The following DIP2A variants were observed in gnomAD, a reference collection of about 807,000 sequenced individuals.
DIP2A encodes disco-interacting protein 2 homolog A.
A neutral mutation model predicts 177.4 loss-of-function variants in DIP2A; 85 were observed. The observed-to-expected ratio is 0.48, with a 90% confidence interval of 0.40 to 0.57. The LOEUF (loss-of-function observed/expected upper bound fraction) is 0.57. DIP2A is among the 20% of genes least tolerant of loss of function. DIP2A has a pLI of 0.00. For missense variants in DIP2A, 1,791 were observed against 2,100.2 expected (o/e 0.85, Z 2.88); for synonymous variants, 886 against 881.8 (o/e 1.00, Z -0.08).
At chr21:46,476,652 ATTTTTTT>A (rs111428142) in intron 1 of DIP2A, among the ~76,000 whole-genome samples, 1 of 129,918 alleles carries the variant, frequency 7.7e-6, no homozygotes, top group Non-Finnish European at 1.7e-5. Flanking sequence ...GCATCACTCT[ATTTTTTT>A]TTTTTTTTTT....
intron 18 of DIP2A, among the ~76,000 whole-genome samples, chr21:46,544,297 C>T (rs2059940708): frequency 6.6e-6 from 1 of 151,984 alleles, no homozygotes; most frequent in African/African-American, 2.4e-5. Context: ...TGAAAAGGCG[C>T]ACATGTACAA....
At chr21:46,480,903 T>G (rs2056301138) in intron 1 of DIP2A, among the ~76,000 whole-genome samples, 1 of 152,138 alleles carries the variant, frequency 6.6e-6, no homozygotes, top group Non-Finnish European at 1.5e-5. Context: ...CTTGGTCCAT[T>G]GTGGAGTCAC....
intron 26 of DIP2A, 86 bp downstream of exon 26, chr21:46,554,378 A>G (rs1049076341): frequency 6.4e-7 from 1 of 1,569,772 alleles, no homozygotes; most frequent in African/African-American, 1.4e-5. Context: ...CCCTCCCCGA[A>G]GCATCTTCCA....
In DIP2A at chr21:46,472,601, G is replaced by A. The variant is rs867218190; in HGVS notation, c.92-12156G>A. On this transcript the variant is annotated intron_variant, in intron 1 of 37. Coordinates refer to ENST00000417564, the MANE Select transcript of DIP2A (RefSeq NM_015151.4). ...GTGAAGAGGGTGGAGAAGGAGGAGC[G>A]GGGATGGACATGAAGACAAAGGGAG... Among the ~76,000 whole-genome samples, 6 of 152,206 alleles carry A rather than the reference G, an allele frequency of 3.9e-5. No homozygotes were observed. In the South Asian group the frequency reaches 6.2e-4, roughly 16 times the overall value.
At chr21:46,519,970 G>A (rs1187222550) in intron 8 of DIP2A, among the ~76,000 whole-genome samples, 1 of 139,600 alleles carries the variant, frequency 7.2e-6, no homozygotes, top group East Asian at 2.2e-4. Context: ...CGCCTCCAGG[G>A]TTCACGCCAT....
intron 1 of DIP2A, among the ~76,000 whole-genome samples, chr21:46,471,047 T>C (rs745356085): frequency 1.3e-5 from 2 of 152,088 alleles, no homozygotes; most frequent in Admixed American, 6.6e-5. Context: ...TGCCAGTACA[T>C]ATTTTGTTTA....
Position 46,537,499 on chromosome 21 carries a change from G to T in DIP2A, c.1761G>T (p.Ala587=). 1 of 1,614,176 alleles carries T rather than the reference G, an allele frequency of 6.2e-7. No homozygotes were observed. Among genetic ancestry groups the T allele is most frequent in the South Asian group, 1.1e-5 (1 of 91,076 alleles). ...VVSVPYALMK[A]NPLSWIQKVC... ...GCGTCCCCTACGCGCTGATGAAGGC[G>T]AACCCACTCTCCTGGATCCAGAAAG... Residue 587 remains alanine, a synonymous_variant, in exon 15 of 38, where the codon GCG becomes GCT. Transcript: ENST00000417564. The surrounding 1 kb of genome is among the most constrained non-coding windows in gnomAD (Gnocchi z 4.1).
At position 46,566,757 on chromosome 21, in the gene DIP2A, G is replaced by T. The variant is rs9975723; in HGVS notation, c.4463+74G>T. 7.5e-3 allele frequency: 11,923 copies of T among 1,587,992 alleles called. 452 individuals are homozygous for T. Among genetic ancestry groups the T allele is most frequent in the South Asian group, 0.074 (6,503 of 88,354 alleles). ...CTCTGGGCATGAGTGCTGTGCATCG[G>T]TTGGAGCAGAGCAAGGACTGCTGGG... On this transcript the variant is annotated intron_variant, in intron 37 of 37. Transcript: ENST00000417564.
intron 8 of DIP2A, among the ~76,000 whole-genome samples, chr21:46,511,948 TG>T (rs1242224184): frequency 6.6e-6 from 1 of 152,144 alleles, no homozygotes; most frequent in Non-Finnish European, 1.5e-5. Context: ...TTCCATACTA[TG>T]TTTTTTTTGT....
chr21:46,477,401 CCTGTAATCCCAGCTACTTGGGAGG>C (rs917153187), intron 1 of DIP2A, among the ~76,000 whole-genome samples: 5 of 151,358 alleles, frequency 3.3e-5, no homozygotes, highest in African/African-American at 1.2e-4. Flanking sequence ...GTGGCAGGCG[CCTGTAATCCCAGCTACTTGGGAGG>C]CTGAGACAGG....
chr21:46,470,843 C>T (rs1018427821), intron 1 of DIP2A, among the ~76,000 whole-genome samples: 44 of 148,450 alleles, frequency 3.0e-4, no homozygotes, highest in Non-Finnish European at 3.8e-4. Context: ...GCAGGAGAAT[C>T]GCTTGAACCC....
intron 8 of DIP2A, among the ~76,000 whole-genome samples, chr21:46,519,274 T>C (rs1234992532): frequency 2.6e-5 from 4 of 152,200 alleles, no homozygotes; most frequent in African/African-American, 9.7e-5. Context: ...AGTAAGGTCT[T>C]TATGACCTGT....
intron 8 of DIP2A, among the ~76,000 whole-genome samples, chr21:46,527,388 C>G (rs1222041675): frequency 7.5e-6 from 1 of 133,934 alleles, no homozygotes; most frequent in Non-Finnish European, 1.5e-5. Context: ...GACAGTGGCA[C>G]AGTCTCGTCT....
At chr21:46,558,186 G>A (rs2060535364) in intron 31 of DIP2A, 37 bp from the exon 32 acceptor site, 1 of 1,579,846 alleles carries the variant, frequency 6.3e-7, no homozygotes, top group Non-Finnish European at 8.6e-7. Context: ...AACTCACTGA[G>A]CTGTGGCCGT....
chr21:46,490,608 C>T lies in DIP2A; in HGVS notation c.172C>T (p.Pro58Ser), dbSNP rs781347085. The change falls in exon 3 of 38, where the codon CCA becomes TCA. Residue 58 changes from proline (P) to serine (S), a missense_variant. Coordinates refer to ENST00000417564, the MANE Select transcript of DIP2A (RefSeq NM_015151.4). ...RYIPLIQGID[P>S]SLQAENRIPG... ...ATAAAATTGTGTTTCAGGAATAGAC[C>T]CATCTCTGCAAGCAGAGAATAGAAT... The T allele has an allele frequency of 6.4e-7, 1 of 1,565,472 alleles. No individual in the cohort carries two copies. The highest frequency in any genetic ancestry group is 1.2e-5 in the South Asian group (1 of 84,868).
intron 9 of DIP2A, among the ~76,000 whole-genome samples, chr21:46,531,248 C>T (rs2059344992): frequency 6.6e-6 from 1 of 152,082 alleles, no homozygotes. Flanking sequence ...GAGTCCTCAG[C>T]AGCAGGGGAC....
intron 13 of DIP2A, among the ~76,000 whole-genome samples, chr21:46,535,261 A>C (rs533107189): frequency 6.6e-6 from 1 of 152,170 alleles, no homozygotes; most frequent in South Asian, 2.1e-4. Flanking sequence ...GATATCTTTA[A>C]ATTAATATTA....
chr21:46,558,498 T>A, intron 32 of DIP2A, 105 bp downstream of exon 32: 1 of 1,172,244 alleles, frequency 8.5e-7, no homozygotes, highest in African/African-American at 1.5e-5. Flanking sequence ...GATCTATTTC[T>A]CCTTCTCTGG....
chr21:46,486,448 C>A (rs116643126), intron 2 of DIP2A, among the ~76,000 whole-genome samples: 1,729 of 152,308 alleles, frequency 0.011, 30 homozygotes, highest in African/African-American at 0.039. Flanking sequence ...TCTGCCTCAG[C>A]CTTCCAAAGT....
Sources: gnomAD v4.1 joint callset for allele counts (sites outside exome capture counted in the v4.1 genomes callset) on GRCh38, gnomAD v4.1.1 for gene constraint, Gnocchi (gnomAD v3.1) non-coding constraint, MANE v1.5 for transcripts, NCBI Gene and HGNC (gene_info 2026-07-23, HGNC 2026-07-21) for gene names.